Variants in ANK3 observed in about 807,000 individuals in gnomAD.
The protein encoded by ANK3 is ankyrin-3.
In ANK3, 57 loss-of-function variants were observed where a neutral mutation model predicts 370.9. That is an observed-to-expected ratio of 0.15 (90% CI 0.12 to 0.19). The LOEUF (loss-of-function observed/expected upper bound fraction) is 0.19, where lower values mean the gene tolerates loss of function less well. ANK3 is among the 10% of genes least tolerant of loss of function. The pLI, the probability that ANK3 is intolerant of heterozygous loss-of-function variation, is 1.00. For synonymous variants in ANK3, 1,929 were observed against 1,946.3 expected (o/e 0.99, Z 0.23); for missense variants, 4,439 against 5,302.1 (o/e 0.84, Z 5.06).
At chr10:60,603,681 T>C (rs1190735638) in intron 2 of ANK3, among the ~76,000 whole-genome samples, 2 of 152,114 alleles carry the variant, frequency 1.3e-5, no homozygotes, top group African/African-American at 4.8e-5. Context: ...AAAACCCATA[T>C]CCAGTGGCTA....
chr10:60,127,296 G>A (rs1411676410), intron 25 of ANK3, among the ~76,000 whole-genome samples: 4 of 152,182 alleles, frequency 2.6e-5, no homozygotes, highest in Non-Finnish European at 5.9e-5. Flanking sequence ...TGCAGAACAG[G>A]AGGGACTTAT....
In ANK3 at chr10:60,281,611, C is replaced by T. The variant is rs2098164381; in HGVS notation, c.115-1972G>A. Among the ~76,000 whole-genome samples, 7 of 152,272 alleles carry T rather than the reference C, an allele frequency of 4.6e-5. No individual in the cohort carries two copies. In the South Asian group the frequency reaches 1.5e-3, roughly 32 times the overall value. Reference sequence around the variant, plus strand: ...CCCCCGCAACTGGAAGCATTCTTGGCATATAGCAAGTGCCTGTAAGTTTTT... The same window carrying T: ...CCCCCGCAACTGGAAGCATTCTTGGTATATAGCAAGTGCCTGTAAGTTTTT... On this transcript the variant is annotated intron_variant, in intron 1 of 43. Coordinates refer to ENST00000280772, the MANE Select transcript of ANK3 (RefSeq NM_020987.5).
intron 2 of ANK3, among the ~76,000 whole-genome samples, chr10:60,586,901 CT>C (rs1394941912): frequency 6.6e-6 from 1 of 152,142 alleles, no homozygotes; most frequent in Non-Finnish European, 1.5e-5. Flanking sequence ...AGATAAAAGG[CT>C]TCTGGGTCTG....
At chr10:60,466,472 C>T (rs185993159) in intron 2 of ANK3, among the ~76,000 whole-genome samples, 118 of 152,260 alleles carry the variant, frequency 7.7e-4, no homozygotes, top group African/African-American at 2.8e-3. Flanking sequence ...TCATACACTG[C>T]TGGTAGGAAT....
chr10:60,186,653 G>T, intron 17 of ANK3, 62 bp downstream of exon 17: 1 of 1,504,712 alleles, frequency 6.6e-7, no homozygotes, highest in Non-Finnish European at 9.2e-7. Context: ...AATTCTTAGT[G>T]ACCTTTCTGA....
At chr10:60,217,887 TTA>T (rs1397665127) in intron 8 of ANK3, among the ~76,000 whole-genome samples, 2 of 152,146 alleles carry the variant, frequency 1.3e-5, no homozygotes, top group African/African-American at 4.8e-5. Context: ...GTGTGGGAGT[TTA>T]GTCTCTTTAT....
At chr10:60,304,135 A>C (rs1056412891) in intron 1 of ANK3, among the ~76,000 whole-genome samples, 2 of 152,164 alleles carry the variant, frequency 1.3e-5, no homozygotes. Flanking sequence ...CAAGGGGTAC[A>C]AAGTTTCAGT....
intron 2 of ANK3, among the ~76,000 whole-genome samples, chr10:60,554,446 C>T (rs573010999): frequency 6.6e-6 from 1 of 152,138 alleles, no homozygotes; most frequent in African/African-American, 2.4e-5. Flanking sequence ...CCTAGCCTTT[C>T]TTTGCTGTAG....
chr10:60,209,500 A>AT (rs1308248155), intron 9 of ANK3, among the ~76,000 whole-genome samples: 1 of 152,118 alleles, frequency 6.6e-6, no homozygotes, highest in Non-Finnish European at 1.5e-5. Flanking sequence ...CATGGTTATT[A>AT]TTTTTTCATT....
At chr10:60,067,863 A>G in intron 38 of ANK3, 72 bp downstream of exon 38, 1 of 1,268,614 alleles carries the variant, frequency 7.9e-7, no homozygotes, top group Non-Finnish European at 1.1e-6. Context: ...AAATATATAT[A>G]TTGAACTGCT....
In ANK3 at chr10:60,069,456, T is replaced by A; in HGVS notation, c.11425A>T (p.Thr3809Ser). 1 of 1,614,136 alleles carries A rather than the reference T, an allele frequency of 6.2e-7. No individual in the cohort carries two copies. The highest frequency in any genetic ancestry group is 8.5e-7 in the Non-Finnish European group (1 of 1,179,978). ...GTACAAGTGGGTGCAGAATGTTCTG[T>A]CAGAACTATATTACTCATAATGTTA... ...TDNIMSNIVL[T>S]EHSAPTCTTE... Residue 3809 changes from threonine (T) to serine (S), a missense_variant, in exon 37 of 44, where the codon ACA (threonine) becomes TCA (serine). By Grantham distance (58) the Thr-to-Ser change is moderately conservative (BLOSUM62 1). Coordinates refer to ENST00000280772, the MANE Select transcript of ANK3 (RefSeq NM_020987.5).
At chr10:60,583,333 T>C (rs2077781335) in intron 2 of ANK3, among the ~76,000 whole-genome samples, 1 of 152,038 alleles carries the variant, frequency 6.6e-6, no homozygotes. Context: ...GAGAGTAGAA[T>C]AGTGGTTACC....
At chr10:60,698,017 C>T (rs570968485) in intron 1 of ANK3, among the ~76,000 whole-genome samples, 144 of 152,136 alleles carry the variant, frequency 9.5e-4, no homozygotes, top group African/African-American at 3.2e-3. Context: ...TGACAAAAGG[C>T]TAATATCCAG....
chr10:60,053,620 A>AAG, intron 42 of ANK3: 4 of 1,246,006 alleles, frequency 3.2e-6, no homozygotes, highest in Non-Finnish European at 4.2e-6. Flanking sequence ...GAATTTTCTC[A>AAG]GTACTCTTTG....
At chr10:60,456,484 G>A (rs562414352) in intron 2 of ANK3, among the ~76,000 whole-genome samples, 1 of 152,244 alleles carries the variant, frequency 6.6e-6, no homozygotes, top group Admixed American at 6.5e-5. Flanking sequence ...ATCTCACAGA[G>A]GGAGGAAATA....
intron 8 of ANK3, among the ~76,000 whole-genome samples, chr10:60,218,196 C>T (rs540185669): frequency 1.3e-5 from 2 of 148,538 alleles, no homozygotes; most frequent in Non-Finnish European, 3.0e-5. Flanking sequence ...AGATGGGCTT[C>T]CTGAATAGAG....
chr10:60,321,327 A>G (rs10821722), intron 1 of ANK3, among the ~76,000 whole-genome samples: 113,399 of 151,386 alleles, frequency 0.75, 42,608 homozygotes, highest in South Asian at 0.91. Context: ...GCTCAAGGCT[A>G]CACAGAGACA....
intron 42 of ANK3, 113 bp downstream of exon 42, chr10:60,055,545 T>A: frequency 7.5e-7 from 1 of 1,338,906 alleles, no homozygotes; most frequent in Non-Finnish European, 1.0e-6. Flanking sequence ...CACACATTTA[T>A]AATTTAGAAA....
intron 15 of ANK3, 26 bp from the exon 16 acceptor site, chr10:60,196,269 C>T: frequency 6.3e-7 from 1 of 1,599,298 alleles, no homozygotes; most frequent in Admixed American, 1.7e-5. Context: ...GAAACAACAA[C>T]CAGTGTCAAA....
Sources: gnomAD v4.1 joint callset for allele counts (sites outside exome capture counted in the v4.1 genomes callset) on GRCh38, gnomAD v4.1.1 for gene constraint, MANE v1.5 for transcripts, NCBI Gene and HGNC (gene_info 2026-07-23, HGNC 2026-07-21) for gene names.